The following STK3 variants were observed in gnomAD, a reference collection of about 807,000 sequenced individuals.
The protein encoded by STK3 is serine/threonine-protein kinase 3.
STK3 carries 41 observed loss-of-function variants against 58.0 expected under a neutral mutation model. The ratio of observed to expected loss-of-function variants is 0.71; its 90% CI spans 0.55 to 0.92. STK3 has a LOEUF of 0.92. Among genes scored for constraint, STK3 ranks in the 40% least tolerant of loss-of-function variants. The pLI is 0.00. For synonymous variants in STK3, 170 were observed against 191.0 expected (o/e 0.89, Z 0.91); for missense variants, 479 against 602.7 (o/e 0.79, Z 2.15).
chr8:98,818,339 T>A (rs1373181748), intron 1 of STK3, among the ~76,000 whole-genome samples: 1 of 152,158 alleles, frequency 6.6e-6, no homozygotes, highest in South Asian at 2.1e-4. Context: ...GGAAAACAAT[T>A]AATAATTACT....
intron 4 of STK3, among the ~76,000 whole-genome samples, chr8:98,743,892 A>G (rs1829436678): frequency 1.3e-5 from 2 of 152,226 alleles, no homozygotes; most frequent in Non-Finnish European, 2.9e-5. Context: ...TTTACAAGAA[A>G]AAAACAACCC....
intron 10 of STK3, among the ~76,000 whole-genome samples, chr8:98,460,052 C>G (rs554698925): frequency 2.3e-4 from 35 of 152,294 alleles, no homozygotes; most frequent in Admixed American, 1.9e-3. Flanking sequence ...GATCCATTGA[C>G]AGCTTGCACC....
chr8:98,592,520 G>GT (rs1815403413), intron 7 of STK3, among the ~76,000 whole-genome samples: 1 of 151,902 alleles, frequency 6.6e-6, no homozygotes, highest in African/African-American at 2.4e-5. Context: ...TATAACTTCA[G>GT]TTTTTTGTGT....
At chr8:98,864,176 C>T (rs189102349) in intron 3 of STK3, among the ~76,000 whole-genome samples, 5 of 120,288 alleles carry the variant, frequency 4.2e-5, no homozygotes, top group Non-Finnish European at 8.0e-5. Context: ...CCAGCCTGGG[C>T]GACAGAGCGA....
At chr8:98,660,662 T>C (rs1821899132) in intron 6 of STK3, among the ~76,000 whole-genome samples, 1 of 152,072 alleles carries the variant, frequency 6.6e-6, no homozygotes, top group Non-Finnish European at 1.5e-5. Flanking sequence ...CCCTTAGCCA[T>C]ATTCATTCAC....
At chr8:98,941,846 C>G (rs1587880690) in intron 1 of STK3, among the ~76,000 whole-genome samples, 4 of 152,378 alleles carry the variant, frequency 2.6e-5, no homozygotes, top group Admixed American at 1.3e-4. Flanking sequence ...TCCTTGGTGT[C>G]GCAAGTCCAG....
At chr8:98,585,845 T>A (rs1301049720) in intron 7 of STK3, among the ~76,000 whole-genome samples, 1 of 151,762 alleles carries the variant, frequency 6.6e-6, no homozygotes, top group East Asian at 1.9e-4. Context: ...GGTATTTTAT[T>A]CTCTTTGAAG....
intron 4 of STK3, among the ~76,000 whole-genome samples, chr8:98,712,362 C>T (rs1045059263): frequency 2.0e-5 from 3 of 152,140 alleles, no homozygotes; most frequent in Admixed American, 2.0e-4. Context: ...AGTCAAGACC[C>T]ATCAGTGTGC....
At chr8:98,405,777 C>A (rs1367265091) in intron 3 of STK3, among the ~76,000 whole-genome samples, 1 of 152,196 alleles carries the variant, frequency 6.6e-6, no homozygotes, top group African/African-American at 2.4e-5. Flanking sequence ...AAGAACACAT[C>A]ACATCTTACA....
chr8:98,674,484 C>T (rs1823053251), intron 6 of STK3, among the ~76,000 whole-genome samples: 1 of 151,902 alleles, frequency 6.6e-6, no homozygotes, highest in Non-Finnish European at 1.5e-5. Context: ...AATCATAGGG[C>T]TAGATTTGTG....
intron 6 of STK3, among the ~76,000 whole-genome samples, chr8:98,607,727 T>G (rs1816885101): frequency 6.6e-6 from 1 of 152,210 alleles, no homozygotes; most frequent in Admixed American, 6.5e-5. Flanking sequence ...GAGATAAACT[T>G]TGATTATTCA....
intron 6 of STK3, among the ~76,000 whole-genome samples, chr8:98,701,567 C>T (rs1461465311): frequency 6.6e-6 from 1 of 151,382 alleles, no homozygotes; most frequent in African/African-American, 2.4e-5. Context: ...GAGGTTGCAG[C>T]AAGCCAAGAC....
At chr8:98,915,492 T>C (rs2131992590) in intron 1 of STK3, among the ~76,000 whole-genome samples, 1 of 141,554 alleles carries the variant, frequency 7.1e-6, no homozygotes, top group South Asian at 2.2e-4. Flanking sequence ...TAAAGAACCC[T>C]AATACAATGG....
chr8:98,581,694 G>A (rs972439776), intron 7 of STK3, among the ~76,000 whole-genome samples: 1 of 151,560 alleles, frequency 6.6e-6, no homozygotes, highest in African/African-American at 2.4e-5. Context: ...TGTGTCCAAT[G>A]TTGTTTCTGG....
At chr8:98,427,663 A>C in intron 3 of STK3, 1 of 229,642 alleles carries the variant, frequency 4.4e-6, no homozygotes, top group East Asian at 8.9e-5. Flanking sequence ...GGACAAGGTC[A>C]GCATGCAGCC....
At chr8:98,750,109 C>T (rs950716572) in intron 3 of STK3, among the ~76,000 whole-genome samples, 1 of 152,016 alleles carries the variant, frequency 6.6e-6, no homozygotes, top group African/African-American at 2.4e-5. Flanking sequence ...ATAGAAAATA[C>T]AAGACAGCAG....
intron 4 of STK3, among the ~76,000 whole-genome samples, chr8:98,748,952 T>C (rs979719610): frequency 6.6e-6 from 1 of 151,846 alleles, no homozygotes; most frequent in Non-Finnish European, 1.5e-5. Flanking sequence ...TAAATAAAAT[T>C]CTAGCCATAA....
chr8:98,758,234 G>C lies in STK3; in HGVS notation c.237-8844C>G, dbSNP rs75481046. Among the ~76,000 whole-genome samples the C allele has an allele frequency of 1.7e-3, 261 of 152,300 alleles. 1 individual carries two copies. The highest frequency in any genetic ancestry group is 6.1e-3 in the African/African-American group (253 of 41,574). Reference sequence around the variant, plus strand: ...TTGCTAAACGTATAAAGATGAGCTGGTACCAATCCTACTGAAACTATTGCA... The same window carrying C: ...TTGCTAAACGTATAAAGATGAGCTGCTACCAATCCTACTGAAACTATTGCA... On this transcript the variant is annotated intron_variant, in intron 3 of 10. Coordinates refer to ENST00000419617, the MANE Select transcript of STK3 (RefSeq NM_006281.4).
At chr8:98,712,112 C>G (rs1283708826) in intron 4 of STK3, among the ~76,000 whole-genome samples, 1 of 152,284 alleles carries the variant, frequency 6.6e-6, no homozygotes, top group East Asian at 1.9e-4. Flanking sequence ...CAGGCCTGCC[C>G]TAAAAGAGCT....
Sources: allele counts gnomAD v4.1 joint callset (sites outside exome capture counted in the v4.1 genomes callset), GRCh38; gene constraint gnomAD v4.1.1; transcripts MANE v1.5; gene names NCBI Gene and HGNC (gene_info 2026-07-23, HGNC 2026-07-21).